The following CNTNAP2 variants were observed in gnomAD, a reference collection of about 807,000 sequenced individuals.
The protein encoded by CNTNAP2 is contactin-associated protein-like 2.
In CNTNAP2, 98 loss-of-function variants were observed where a neutral mutation model predicts 155.2. The ratio of observed to expected loss-of-function variants is 0.63; its 90% CI spans 0.54 to 0.75. The LOEUF is 0.75. Ranked by LOEUF, CNTNAP2 falls within the 30% of genes least tolerant of loss-of-function variation. The pLI is 0.00. For synonymous variants in CNTNAP2, 651 were observed against 631.2 expected (o/e 1.03, Z -0.47); for missense variants, 1,727 against 1,688.1 (o/e 1.02, Z -0.40).
At chr7:147,068,987 C>T (rs1183395293) in intron 4 of CNTNAP2, among the ~76,000 whole-genome samples, 1 of 152,130 alleles carries the variant, frequency 6.6e-6, no homozygotes, top group Non-Finnish European at 1.5e-5. Context: ...ACCTCAGAAA[C>T]TTTTACTCGT....
At chr7:147,304,343 T>C (rs1794991183) in intron 9 of CNTNAP2, among the ~76,000 whole-genome samples, 1 of 152,206 alleles carries the variant, frequency 6.6e-6, no homozygotes, top group African/African-American at 2.4e-5. Context: ...AACACTCCAT[T>C]AATGTTAATA....
At chr7:148,329,142 G>C (rs1483000648) in intron 21 of CNTNAP2, among the ~76,000 whole-genome samples, 1 of 152,114 alleles carries the variant, frequency 6.6e-6, no homozygotes, top group Non-Finnish European at 1.5e-5. Context: ...GGCTCCCCAG[G>C]ACCACAGATT....
At chr7:147,640,476 G>A (rs1054823591) in intron 13 of CNTNAP2, among the ~76,000 whole-genome samples, 8 of 152,126 alleles carry the variant, frequency 5.3e-5, no homozygotes, top group Non-Finnish European at 1.2e-4. Flanking sequence ...TAAGTAGCAA[G>A]TAGTATATTG....
rs554953822 is a variant in CNTNAP2 at position 147,340,418 on chromosome 7, C to A, written c.1498+40128C>A. ...GCTCTTCTATAGATGATTTTCTGTG[C>A]TTTTTATTTTTATATTCTGTAGGAA... On this transcript the variant is annotated intron_variant, in intron 9 of 23. Transcript: ENST00000361727. 8.5e-5 allele frequency among the ~76,000 whole-genome samples: 13 copies of A among 152,166 alleles called. No homozygotes were observed. The East Asian group carries it at 2.5e-3, about 29-fold the overall frequency.
At chr7:147,899,754 G>A (rs1320254952) in intron 13 of CNTNAP2, among the ~76,000 whole-genome samples, 2 of 151,968 alleles carry the variant, frequency 1.3e-5, no homozygotes, top group Admixed American at 6.6e-5. Flanking sequence ...GTGTGGTGGT[G>A]CATGCCTGTA....
chr7:147,330,200 T>C (rs1298798169), intron 9 of CNTNAP2, among the ~76,000 whole-genome samples: 2 of 152,020 alleles, frequency 1.3e-5, no homozygotes, highest in Non-Finnish European at 1.5e-5. Flanking sequence ...CTATGAAAAT[T>C]CCTGAATGAC....
intron 14 of CNTNAP2, among the ~76,000 whole-genome samples, chr7:147,938,386 T>C (rs980166401): frequency 6.6e-6 from 1 of 152,154 alleles, no homozygotes; most frequent in East Asian, 1.9e-4. Flanking sequence ...CACTGACCCA[T>C]ACATAAAAGA....
chr7:148,228,551 C>T (rs1314603280), intron 19 of CNTNAP2, among the ~76,000 whole-genome samples: 2 of 152,240 alleles, frequency 1.3e-5, no homozygotes, highest in East Asian at 3.9e-4. Flanking sequence ...TGGCCAGGAG[C>T]GTCGGCTCAC....
At chr7:147,995,532 G>GTT (rs1554459559) in intron 15 of CNTNAP2, among the ~76,000 whole-genome samples, 5 of 81,722 alleles carry the variant, frequency 6.1e-5, no homozygotes, top group East Asian at 2.0e-3. Flanking sequence ...TTCTTTTGTT[G>GTT]TTTTTTTTTT....
chr7:146,906,503 C>A (rs1292293345), intron 3 of CNTNAP2, among the ~76,000 whole-genome samples: 2 of 151,990 alleles, frequency 1.3e-5, no homozygotes, highest in African/African-American at 2.4e-5. Flanking sequence ...CCCTGACCCC[C>A]GAGCAGCCTA....
chr7:146,798,257 G>A (rs1194687134), intron 2 of CNTNAP2, among the ~76,000 whole-genome samples: 1 of 151,066 alleles, frequency 6.6e-6, no homozygotes, highest in East Asian at 1.9e-4. Context: ...CAGCCTAGGT[G>A]ATAGAGCCAG....
chr7:146,271,161 C>A (rs1352225057), intron 1 of CNTNAP2, among the ~76,000 whole-genome samples: 1 of 152,022 alleles, frequency 6.6e-6, no homozygotes, highest in Non-Finnish European at 1.5e-5. Context: ...GAGTCTTACA[C>A]CTTTTCTTGC....
At chr7:147,380,745 TA>T (rs371528457) in intron 9 of CNTNAP2, among the ~76,000 whole-genome samples, 3 of 152,178 alleles carry the variant, frequency 2.0e-5, no homozygotes, top group African/African-American at 7.2e-5. Flanking sequence ...TATAGTCATA[TA>T]TAGAAGCATT....
chr7:146,500,483 T>C (rs1367303084), intron 1 of CNTNAP2, among the ~76,000 whole-genome samples: 1 of 151,738 alleles, frequency 6.6e-6, no homozygotes, highest in African/African-American at 2.4e-5. Context: ...GGGCCTGGAG[T>C]CTCATTGTCT....
At chr7:146,798,561 G>C (rs1006155094) in intron 2 of CNTNAP2, among the ~76,000 whole-genome samples, 1 of 152,014 alleles carries the variant, frequency 6.6e-6, no homozygotes, top group Non-Finnish European at 1.5e-5. Flanking sequence ...GCCCAGAATG[G>C]TTTTGAACTC....
intron 13 of CNTNAP2, among the ~76,000 whole-genome samples, chr7:147,646,751 A>G (rs1031848967): frequency 1.3e-5 from 2 of 152,170 alleles, no homozygotes; most frequent in Non-Finnish European, 2.9e-5. Flanking sequence ...GTGTGTGTGT[A>G]CATTTTATGG....
At chr7:146,770,704 A>T (rs952836975) in intron 1 of CNTNAP2, among the ~76,000 whole-genome samples, 6 of 152,036 alleles carry the variant, frequency 3.9e-5, no homozygotes, top group Non-Finnish European at 7.4e-5. Flanking sequence ...TTAGTAAAAA[A>T]TGTAAAATTT....
chr7:148,106,756 C>T (rs1467825929), intron 15 of CNTNAP2, among the ~76,000 whole-genome samples: 1 of 152,068 alleles, frequency 6.6e-6, no homozygotes, highest in East Asian at 1.9e-4. Flanking sequence ...TTTACTAAAT[C>T]AAAACTTTGT....
chr7:146,384,181 T>C (rs1357733816), intron 1 of CNTNAP2, among the ~76,000 whole-genome samples: 1 of 152,182 alleles, frequency 6.6e-6, no homozygotes, highest in Non-Finnish European at 1.5e-5. Context: ...AGTAAAATAA[T>C]GCAAAATGTG....
Sources: allele counts gnomAD v4.1 joint callset (sites outside exome capture counted in the v4.1 genomes callset), GRCh38; gene constraint gnomAD v4.1.1; transcripts MANE v1.5; gene names NCBI Gene and HGNC (gene_info 2026-07-23, HGNC 2026-07-21).